CSMD1: variants seen among roughly 807,000 people sequenced by gnomAD.
CSMD1 encodes CUB and sushi domain-containing protein 1.
In CSMD1, 213 loss-of-function variants were observed where a neutral mutation model predicts 417.5. The observed-to-expected ratio is 0.51, with a 90% CI of 0.46 to 0.57. The LOEUF (loss-of-function observed/expected upper bound fraction) is 0.57, where lower values mean the gene tolerates loss of function less well. Among genes scored for constraint, CSMD1 ranks in the 20% least tolerant of loss-of-function variants. The probability of loss-of-function intolerance (pLI) is 0.00; values close to 1 mark genes in which losing one functional copy is unlikely to be tolerated. For missense variants in CSMD1, 6,923 were observed against 4,529.7 expected, an observed-to-expected ratio of 1.53 and a Z score of -15.17; for synonymous variants, 2,862 against 1,736.8, an observed-to-expected ratio of 1.65 and a Z score of -16.11.
At chr8:4,077,279 C>CTATATATATATATGTATA (rs1281597523) in intron 3 of CSMD1, among the ~76,000 whole-genome samples, 18 of 94,986 alleles carry the variant, frequency 1.9e-4, no homozygotes, top group Non-Finnish European at 3.0e-4. Flanking sequence ...CATTTGTCAC[C>CTATATATATATATGTATA]TATATATATA....
At chr8:4,430,488 A>C (rs4483180) in intron 2 of CSMD1, among the ~76,000 whole-genome samples, 2 of 151,952 alleles carry the variant, frequency 1.3e-5, no homozygotes, top group South Asian at 2.1e-4. Flanking sequence ...GTATATCATA[A>C]TTTGCACTAA....
chr8:4,158,199 G>A (rs1004140187), intron 3 of CSMD1, among the ~76,000 whole-genome samples: 2 of 150,940 alleles, frequency 1.3e-5, no homozygotes, highest in African/African-American at 4.9e-5. Flanking sequence ...CCTAAGCCCA[G>A]ACATACTTAT....
In CSMD1 at chr8:2,998,308, G is replaced by T. The variant is rs1290944641; in HGVS notation, c.8204-124C>A. The stretch of plus-strand genomic sequence containing the variant: ...GGACTGAAGGTTTTCCACTAACCAG[G>T]CAGCTTACAGATGGTATTTATATTC... On this transcript the variant is annotated intron_variant, in intron 53 of 69. Transcript: ENST00000635120. The T allele has an allele frequency of 1.3e-5, 11 of 868,824 alleles. No individual in the cohort carries two copies. In the Admixed American group the frequency reaches 2.4e-4, roughly 19 times the overall value. 53.8% of individuals were successfully genotyped at this position (868,824 alleles called of 1,614,324 possible).
chr8:3,605,859 G>C (rs1219293342), intron 8 of CSMD1, among the ~76,000 whole-genome samples: 1 of 152,158 alleles, frequency 6.6e-6, no homozygotes, highest in Non-Finnish European at 1.5e-5. Flanking sequence ...ATTCTCTGAT[G>C]AGCAGTGCTT....
At chr8:2,951,727 G>C (rs763640844) in intron 65 of CSMD1, among the ~76,000 whole-genome samples, 1 of 152,098 alleles carries the variant, frequency 6.6e-6, no homozygotes, top group Non-Finnish European at 1.5e-5. Flanking sequence ...TAATACGAGA[G>C]CAATGCCCTG....
intron 23 of CSMD1, 72 bp downstream of exon 23, chr8:3,343,222 T>A: frequency 7.4e-7 from 1 of 1,345,464 alleles, no homozygotes; most frequent in Non-Finnish European, 1.0e-6. Flanking sequence ...ATTTAAAACT[T>A]AATATAAGCC....
intron 2 of CSMD1, among the ~76,000 whole-genome samples, chr8:4,599,171 C>A (rs542440545): frequency 3.3e-5 from 5 of 152,108 alleles, no homozygotes; most frequent in Admixed American, 1.3e-4. Flanking sequence ...GTAGGGAGAA[C>A]TTAAAACTTA....
At chr8:4,211,927 A>T (rs1308435548) in intron 3 of CSMD1, among the ~76,000 whole-genome samples, 7 of 152,218 alleles carry the variant, frequency 4.6e-5, no homozygotes, top group Non-Finnish European at 1.0e-4. Context: ...TATTAGGAAG[A>T]AAGGGTAATA....
rs1453288471 is a variant in CSMD1, at chr8:4,179,359, A to G, written c.416-147260T>C. Among the ~76,000 whole-genome samples the G allele has an allele frequency of 3.3e-5, 5 of 152,306 alleles. No individual in the cohort carries two copies. The South Asian group carries it at 6.2e-4, about 19-fold the overall frequency. On this transcript the variant is annotated intron_variant, in intron 3 of 69. Transcript: ENST00000635120. ...TCCCTATTTAATAAATGGTGCTGGGAAAACTGGCTAGCCATATGTAGAAAG... is the reference window on the plus strand; with the variant it reads ...TCCCTATTTAATAAATGGTGCTGGGGAAACTGGCTAGCCATATGTAGAAAG...
chr8:3,330,323 T>C lies in CSMD1; in HGVS notation c.3631+12971A>G, dbSNP rs1486175007. 2.0e-5 allele frequency among the ~76,000 whole-genome samples: 3 copies of C among 152,094 alleles called. No individual in the cohort carries two copies. The South Asian group carries it at 6.2e-4, about 32-fold the overall frequency. On this transcript the variant is annotated intron_variant, in intron 23 of 69. Coordinates refer to ENST00000635120, the MANE Select transcript of CSMD1 (RefSeq NM_033225.6). ...ATGTTCGATGCAGCAGTATTCACAA[T>C]AGCAAAGACAAAGACTCAATCTAAG...
Position 4,675,882 on chromosome 8 carries a change from G to C in CSMD1, c.86-38324C>G, listed in dbSNP as rs560734236. Among the ~76,000 whole-genome samples the C allele has an allele frequency of 2.6e-5, 4 of 152,214 alleles. No homozygotes were observed. The East Asian group carries it at 5.8e-4, about 22-fold the overall frequency. ...TGCCTAATTGTTTCCTAAACAAAAAGTATCTAAACTATCATACTAGTAGAA... is the reference window on the plus strand; with the variant it reads ...TGCCTAATTGTTTCCTAAACAAAAACTATCTAAACTATCATACTAGTAGAA... On this transcript the variant is annotated intron_variant, in intron 1 of 69. Coordinates refer to ENST00000635120, the MANE Select transcript of CSMD1 (RefSeq NM_033225.6).
chr8:3,513,845 G>C (rs1235582660), intron 10 of CSMD1, among the ~76,000 whole-genome samples: 2 of 152,188 alleles, frequency 1.3e-5, no homozygotes, highest in African/African-American at 4.8e-5. Flanking sequence ...TGCAGATTTG[G>C]AGAGAAGATC....
At chr8:3,632,324 T>C (rs1407680568) in intron 7 of CSMD1, among the ~76,000 whole-genome samples, 1 of 152,140 alleles carries the variant, frequency 6.6e-6, no homozygotes, top group African/African-American at 2.4e-5. Flanking sequence ...CCCGTTCGCC[T>C]TCTTGGACCT....
At position 3,998,061 on chromosome 8, in the gene CSMD1, G is replaced by A. The variant is rs778301192; in HGVS notation, c.660C>T (p.Ser220=). 14 of 1,595,452 alleles carry A rather than the reference G, an allele frequency of 8.8e-6. No individual in the cohort carries two copies. Among genetic ancestry groups the A allele is most frequent in the South Asian group, 1.1e-5 (1 of 87,998 alleles). The change falls in exon 5 of 70, where the codon TCC becomes TCT. Residue 220 remains serine, a synonymous_variant. Coordinates refer to ENST00000635120, the MANE Select transcript of CSMD1 (RefSeq NM_033225.6). ...CGTACTCTGAAGGGAAGTGCGGGCT[G>A]GAGATGGAGCTGCTGGTCCCGCGTA... is the stretch of plus-strand genomic sequence containing the variant. The part of the protein sequence containing the change: ...GTLRGTSSSI[S]SPHFPSEYEN...
intron 10 of CSMD1, among the ~76,000 whole-genome samples, chr8:3,511,080 G>A (rs1026369953): frequency 6.6e-6 from 1 of 151,732 alleles, no homozygotes; most frequent in Non-Finnish European, 1.5e-5. Flanking sequence ...GTCCTTTGCA[G>A]GGACATGGAT....
At chr8:4,498,995 T>G (rs929589215) in intron 2 of CSMD1, among the ~76,000 whole-genome samples, 1 of 152,058 alleles carries the variant, frequency 6.6e-6, no homozygotes, top group African/African-American at 2.4e-5. Flanking sequence ...AAAAAGTAAT[T>G]GAAACATTTT....
At chr8:3,008,351 A>G (rs1022449530) in intron 52 of CSMD1, among the ~76,000 whole-genome samples, 2 of 152,204 alleles carry the variant, frequency 1.3e-5, no homozygotes, top group Non-Finnish European at 2.9e-5. Context: ...TCACTCCATT[A>G]TCACCCGCAC....
At chr8:3,768,789 C>A (rs1408902900) in intron 5 of CSMD1, among the ~76,000 whole-genome samples, 1 of 152,208 alleles carries the variant, frequency 6.6e-6, no homozygotes, top group Admixed American at 6.5e-5. Flanking sequence ...AAGGCTTGTC[C>A]TAAGTTTTGC....
In CSMD1 at chr8:4,924,722, CAAAAAAAAAA is replaced by C. The variant is rs60827201; in HGVS notation, c.85+69600_85+69609del. On this transcript the variant is annotated intron_variant, in intron 1 of 69. Transcript: ENST00000635120. ...GGGAGACAAGAATGAAACTCCATCTCAAAAAAAAAAAAAAAAAAAAAAACCTACAAAAAAC... is the reference window on the plus strand; with the variant it reads ...GGGAGACAAGAATGAAACTCCATCTCAAAAAAAAAAAAACCTACAAAAAAC... Among the ~76,000 whole-genome samples the C allele has an allele frequency of 5.0e-4, 31 of 62,552 alleles. No homozygotes were observed. In the South Asian group the frequency reaches 0.027, roughly 53 times the overall value. 41.0% of individuals were successfully genotyped at this position (62,552 alleles called of 152,430 possible).
Sources: allele counts gnomAD v4.1 joint callset (sites outside exome capture counted in the v4.1 genomes callset), GRCh38; gene constraint gnomAD v4.1.1; transcripts MANE v1.5; gene names NCBI Gene and HGNC (gene_info 2026-07-23, HGNC 2026-07-21).